SYT1: variants seen among roughly 807,000 people sequenced by gnomAD.
SYT1 encodes the protein synaptotagmin 1.
A neutral mutation model predicts 44.8 loss-of-function variants in SYT1; 8 were observed. The observed-to-expected ratio is 0.18, with a 90% confidence interval of 0.10 to 0.32. SYT1 has a LOEUF of 0.32. SYT1 is among the 10% of genes least tolerant of loss of function. SYT1 has a pLI of 1.00. For synonymous variants in SYT1, 154 were observed against 188.8 expected (o/e 0.82, Z 1.51); for missense variants, 286 against 509.3 (o/e 0.56, Z 4.22).
intron 1 of SYT1, among the ~76,000 whole-genome samples, chr12:78,890,628 C>G (rs566169575): frequency 6.6e-6 from 1 of 151,934 alleles, no homozygotes; most frequent in African/African-American, 2.4e-5. Context: ...CTCCTCGCTC[C>G]TTTTTCTTCC....
chr12:79,055,148 C>T (rs1036063866), intron 3 of SYT1, among the ~76,000 whole-genome samples: 3 of 151,868 alleles, frequency 2.0e-5, no homozygotes, highest in Non-Finnish European at 4.4e-5. Context: ...TCAAATGAGT[C>T]AAATATAGGC....
chr12:78,999,734 A>G (rs1294828642), intron 2 of SYT1, among the ~76,000 whole-genome samples: 1 of 152,156 alleles, frequency 6.6e-6, no homozygotes, highest in Non-Finnish European at 1.5e-5. Context: ...CACTGTCAGT[A>G]GTTAATATAT....
intron 2 of SYT1, among the ~76,000 whole-genome samples, chr12:79,035,495 A>C (rs2137690996): frequency 6.6e-6 from 1 of 151,788 alleles, no homozygotes; most frequent in African/African-American, 2.4e-5. Flanking sequence ...CCAGACTCTA[A>C]CTGTTGCAGC....
chr12:79,440,463 T>C (rs1870347731), intron 9 of SYT1, among the ~76,000 whole-genome samples: 1 of 152,026 alleles, frequency 6.6e-6, no homozygotes, highest in African/African-American at 2.4e-5. Context: ...AGATATAGAG[T>C]GCCTAGAGAC....
intron 3 of SYT1, among the ~76,000 whole-genome samples, chr12:79,142,739 A>T (rs1322119647): frequency 6.6e-6 from 1 of 152,250 alleles, no homozygotes; most frequent in Non-Finnish European, 1.5e-5. Flanking sequence ...TAAAATAGCT[A>T]TCATTGCTTT....
intron 3 of SYT1, among the ~76,000 whole-genome samples, chr12:79,050,666 C>A (rs1481240078): frequency 6.6e-6 from 1 of 152,062 alleles, no homozygotes; most frequent in Non-Finnish European, 1.5e-5. Flanking sequence ...ATTAACAACA[C>A]TGCTTTCCTG....
chr12:78,889,105 C>G (rs569984030), intron 1 of SYT1, among the ~76,000 whole-genome samples: 3 of 151,564 alleles, frequency 2.0e-5, no homozygotes, highest in African/African-American at 4.8e-5. Context: ...TATTTGAGAA[C>G]CTTATAGTTA....
intron 8 of SYT1, among the ~76,000 whole-genome samples, chr12:79,336,152 A>G (rs544625597): frequency 6.6e-6 from 1 of 152,140 alleles, no homozygotes; most frequent in South Asian, 2.1e-4. Context: ...TTCACATCAA[A>G]CTCTTTATTT....
chr12:79,438,717 C>CATCT (rs1238476038), intron 9 of SYT1, among the ~76,000 whole-genome samples: 1 of 152,130 alleles, frequency 6.6e-6, no homozygotes, highest in Non-Finnish European at 1.5e-5. Flanking sequence ...CCAAAGTAGT[C>CATCT]ATCTGGTCAC....
chr12:79,045,605 G>T (rs1371553295), intron 2 of SYT1: 2 of 153,934 alleles, frequency 1.3e-5, no homozygotes, highest in Non-Finnish European at 2.9e-5. Context: ...GCTGGGAGCT[G>T]TAGACAGCAC....
chr12:79,353,780 A>T (rs904442253), intron 9 of SYT1, among the ~76,000 whole-genome samples, 161 bp downstream of exon 9: 5 of 152,226 alleles, frequency 3.3e-5, no homozygotes, highest in Admixed American at 6.5e-5. Flanking sequence ...ACAGTGCCCC[A>T]GGAAGCCACT....
At chr12:79,320,857 G>A (rs186906866) in intron 8 of SYT1, among the ~76,000 whole-genome samples, 7 of 151,792 alleles carry the variant, frequency 4.6e-5, no homozygotes, top group East Asian at 3.9e-4. Context: ...TCTTGGCCTC[G>A]TGATCGGCCC....
At chr12:79,165,488 G>C (rs1482094482) in intron 3 of SYT1, among the ~76,000 whole-genome samples, 1 of 151,898 alleles carries the variant, frequency 6.6e-6, no homozygotes, top group Non-Finnish European at 1.5e-5. Flanking sequence ...GATTTTATTT[G>C]ATGGTTTACT....
intron 3 of SYT1, among the ~76,000 whole-genome samples, chr12:79,130,873 T>C (rs940023170): frequency 6.6e-6 from 1 of 152,174 alleles, no homozygotes; most frequent in African/African-American, 2.4e-5. Context: ...AGTCCCTTCA[T>C]AGTTCTTAAC....
chr12:79,225,315 T>G, intron 4 of SYT1, among the ~76,000 whole-genome samples: 1 of 152,142 alleles, frequency 6.6e-6, no homozygotes, highest in Non-Finnish European at 1.5e-5. Context: ...TCTGTCCACT[T>G]TTAAGAAGTT....
chr12:79,302,296 T>C lies in SYT1; in HGVS notation c.810+2745T>C, dbSNP rs866203952. On this transcript the variant is annotated intron_variant, in intron 8 of 10. Coordinates refer to ENST00000261205, the MANE Select transcript of SYT1 (RefSeq NM_005639.3). ...CTTTGGAATCTAGAACAAGTACTGC[T>C]AATCATAGTAAGCTGTTCTGCCGGA... 1.1e-4 allele frequency among the ~76,000 whole-genome samples: 16 copies of C among 152,250 alleles called. 1 individual carries two copies. In the Middle Eastern group the frequency reaches 0.014, roughly 129 times the overall value.
intron 4 of SYT1, among the ~76,000 whole-genome samples, chr12:79,270,450 T>G (rs1181242447): frequency 2.6e-5 from 4 of 152,222 alleles, no homozygotes; most frequent in Non-Finnish European, 5.9e-5. Flanking sequence ...TGGTATTACC[T>G]GTATTGTCTT....
chr12:79,059,670 A>G (rs1363851822), intron 3 of SYT1, among the ~76,000 whole-genome samples: 1 of 152,098 alleles, frequency 6.6e-6, no homozygotes, highest in Admixed American at 6.6e-5. Flanking sequence ...GCTGGCATCA[A>G]CAATTATGAA....
chr12:79,427,216 T>C (rs1354311445), intron 9 of SYT1, among the ~76,000 whole-genome samples: 1 of 152,242 alleles, frequency 6.6e-6, no homozygotes, highest in African/African-American at 2.4e-5. Flanking sequence ...TGTTAGGGTA[T>C]TCCTGATGAG....
Sources: allele counts gnomAD v4.1 joint callset (sites outside exome capture counted in the v4.1 genomes callset), GRCh38; gene constraint gnomAD v4.1.1; transcripts MANE v1.5; gene names NCBI Gene and HGNC (gene_info 2026-07-23, HGNC 2026-07-21).